MTUS2: variants seen among roughly 807,000 people sequenced by gnomAD.
MTUS2 encodes the protein microtubule associated scaffold protein 2, also known as microtubule-associated tumor suppressor candidate 2.
Under a neutral mutation model 114.1 loss-of-function variants are expected in MTUS2, and 40 were observed. The ratio of observed to expected loss-of-function variants is 0.35; its 90% confidence interval spans 0.27 to 0.46. MTUS2 has a LOEUF of 0.46. Ranked by LOEUF, MTUS2 falls within the 20% of genes least tolerant of loss-of-function variation. The probability of loss-of-function intolerance (pLI) is 1.00; values close to 1 mark genes in which losing one functional copy is unlikely to be tolerated. For missense variants in MTUS2, 1,679 were observed against 1,705.4 expected, an observed-to-expected ratio of 0.98 and a Z score of 0.27; for synonymous variants, 688 against 672.0, an observed-to-expected ratio of 1.02 and a Z score of -0.37.
At chr13:29,108,850 A>G (rs944704431) in intron 5 of MTUS2, among the ~76,000 whole-genome samples, 3 of 152,158 alleles carry the variant, frequency 2.0e-5, no homozygotes, top group African/African-American at 7.2e-5. Flanking sequence ...ATTCTTCCAC[A>G]TTGGTTTTAG....
intron 2 of MTUS2, among the ~76,000 whole-genome samples, chr13:28,863,473 G>A (rs1315140279): frequency 6.6e-6 from 1 of 152,104 alleles, no homozygotes; most frequent in Non-Finnish European, 1.5e-5. Flanking sequence ...GAGGAATTCT[G>A]GCCTTAGACG....
intron 7 of MTUS2, among the ~76,000 whole-genome samples, chr13:29,354,881 G>T (rs912299846): frequency 2.0e-5 from 3 of 152,194 alleles, no homozygotes; most frequent in Non-Finnish European, 4.4e-5. Flanking sequence ...AGAACTCAGC[G>T]CAGGGACTCC....
At chr13:29,103,681 A>G (rs1890526562) in intron 5 of MTUS2, among the ~76,000 whole-genome samples, 1 of 152,218 alleles carries the variant, frequency 6.6e-6, no homozygotes, top group Admixed American at 6.5e-5. Context: ...GTGTTGTGCT[A>G]TGACATTACG....
intron 9 of MTUS2, among the ~76,000 whole-genome samples, chr13:29,440,730 C>A (rs544338815): frequency 1.3e-5 from 2 of 152,068 alleles, no homozygotes; most frequent in South Asian, 4.2e-4. Flanking sequence ...TCCTATTGCC[C>A]GCTATTCTCT....
At chr13:28,932,566 C>G (rs1337674796) in intron 2 of MTUS2, among the ~76,000 whole-genome samples, 3 of 152,142 alleles carry the variant, frequency 2.0e-5, no homozygotes, top group Non-Finnish European at 4.4e-5. Flanking sequence ...AAAAATGTGC[C>G]CTGGAGTTAC....
intron 5 of MTUS2, among the ~76,000 whole-genome samples, chr13:29,271,408 T>C (rs1047920488): frequency 6.6e-6 from 1 of 152,236 alleles, no homozygotes; most frequent in Non-Finnish European, 1.5e-5. Context: ...TGCACTTCCT[T>C]AATGCTGGGT....
At chr13:29,226,091 C>G (rs901514415) in intron 5 of MTUS2, among the ~76,000 whole-genome samples, 1 of 152,200 alleles carries the variant, frequency 6.6e-6, no homozygotes, top group African/African-American at 2.4e-5. Context: ...GCCTGCATCT[C>G]ATCTTCATCA....
At chr13:29,154,640 C>CA (rs1294937528) in intron 5 of MTUS2, among the ~76,000 whole-genome samples, 2 of 152,182 alleles carry the variant, frequency 1.3e-5, no homozygotes, top group African/African-American at 4.8e-5. Context: ...CCAGGAGAAT[C>CA]AATGCAGGAA....
chr13:29,087,236 G>GT (rs1233415529), intron 4 of MTUS2, among the ~76,000 whole-genome samples: 2 of 152,296 alleles, frequency 1.3e-5, no homozygotes, highest in East Asian at 1.9e-4. Context: ...TTGGCTGTGG[G>GT]TTTGTCATAG....
At chr13:29,462,829 G>A (rs944386215) in intron 9 of MTUS2, among the ~76,000 whole-genome samples, 1 of 152,100 alleles carries the variant, frequency 6.6e-6, no homozygotes, top group African/African-American at 2.4e-5. Flanking sequence ...TAGTGCCAGA[G>A]GGAATCGCAG....
At chr13:28,942,250 C>A (rs921642272) in intron 2 of MTUS2, among the ~76,000 whole-genome samples, 8 of 152,116 alleles carry the variant, frequency 5.3e-5, no homozygotes, top group African/African-American at 1.9e-4. Context: ...CATTAGTCAT[C>A]AGGGAAATGC....
intron 2 of MTUS2, among the ~76,000 whole-genome samples, chr13:28,931,024 C>T (rs2138089025): frequency 6.6e-6 from 1 of 152,300 alleles, no homozygotes; most frequent in South Asian, 2.1e-4. Context: ...CTAACCATTC[C>T]ATGACTTTGG....
At chr13:29,230,886 C>T (rs768213049) in intron 5 of MTUS2, among the ~76,000 whole-genome samples, 1 of 152,194 alleles carries the variant, frequency 6.6e-6, no homozygotes, top group Non-Finnish European at 1.5e-5. Flanking sequence ...GTTGCAGCAT[C>T]ACACAAGAAT....
In MTUS2 at chr13:29,034,063, G is replaced by A. The variant is rs757330098; in HGVS notation, c.2384G>A (p.Ser795Asn). The A allele has an allele frequency of 2.5e-6, 4 of 1,613,994 alleles. No homozygotes were observed. The South Asian group carries it at 4.4e-5, about 18-fold the overall frequency. Residue 795 changes from serine (S) to asparagine (N), a missense_variant, in exon 4 of 16, where the codon AGC becomes AAC. Physicochemically the swap from Ser to Asn is conservative, Grantham distance 46 (BLOSUM62 1). Transcript: ENST00000612955. ...ATTGCAAGTCAGAGGTCTTCAGCGA[G>A]CGCCATCCACCCACCAGGACCCATA... ...ILIASQRSSA[S>N]AIHPPGPITT...
chr13:29,260,038 G>T (rs567408560), intron 5 of MTUS2, among the ~76,000 whole-genome samples: 1 of 152,330 alleles, frequency 6.6e-6, no homozygotes, highest in East Asian at 1.9e-4. Flanking sequence ...CCAACAGCCG[G>T]AGCAAAGAAA....
chr13:29,389,451 A>G (rs1315073619), intron 8 of MTUS2, among the ~76,000 whole-genome samples: 2 of 121,856 alleles, frequency 1.6e-5, no homozygotes, highest in Non-Finnish European at 3.8e-5. Flanking sequence ...GTGTATGTAT[A>G]CACGTGTGTG....
chr13:29,033,488 C>T (rs1886920541), intron 3 of MTUS2, among the ~76,000 whole-genome samples: 2 of 152,132 alleles, frequency 1.3e-5, no homozygotes, highest in Admixed American at 1.3e-4. Flanking sequence ...ATACAACTTA[C>T]AGCTTTTTTC....
In MTUS2 at chr13:28,999,682, A is replaced by G. The variant is rs1024601068; in HGVS notation, c.-242-24775A>G. ...TGTAATATAGATTGTATTATTGTTA[A>G]CTGTAGTCACCCTACTGTGCAATAG... On this transcript the variant is annotated intron_variant, in intron 2 of 15. Coordinates refer to ENST00000612955, the MANE Select transcript of MTUS2 (RefSeq NM_001033602.4). Among the ~76,000 whole-genome samples, 6 of 152,272 alleles carry G rather than the reference A, an allele frequency of 3.9e-5. No individual in the cohort carries two copies. In the South Asian group the frequency reaches 1.2e-3, roughly 32 times the overall value.
chr13:29,449,875 C>T (rs760745596), intron 9 of MTUS2, among the ~76,000 whole-genome samples: 6 of 152,148 alleles, frequency 3.9e-5, no homozygotes, highest in Admixed American at 1.3e-4. Context: ...AACAAAATCC[C>T]GAAACAATGG....
Sources: allele counts gnomAD v4.1 joint callset (sites outside exome capture counted in the v4.1 genomes callset), GRCh38; gene constraint gnomAD v4.1.1; transcripts MANE v1.5; gene names NCBI Gene and HGNC (gene_info 2026-07-23, HGNC 2026-07-21).